NCLN: variants seen among roughly 807,000 people sequenced by gnomAD.
The protein encoded by NCLN is nicalin, also known as BOS complex subunit NCLN.
In NCLN, 34 loss-of-function variants were observed where a neutral mutation model predicts 69.5. The observed-to-expected ratio is 0.49, with a 90% CI of 0.37 to 0.65. The LOEUF (loss-of-function observed/expected upper bound fraction) is 0.65. Ranked by LOEUF, NCLN falls within the 30% of genes least tolerant of loss-of-function variation. NCLN has a pLI of 0.00. For missense variants in NCLN, 710 were observed against 804.8 expected (o/e 0.88, Z 1.42); for synonymous variants, 393 against 358.3 (o/e 1.10, Z -1.09).
rs1367433639 is a variant in NCLN at position 3,207,763 on chromosome 19, C to G, written c.*75C>G. The G allele has an allele frequency of 5.1e-6, 7 of 1,372,020 alleles. No homozygotes were observed. Among genetic ancestry groups the G allele is most frequent in the Non-Finnish European group, 5.2e-6 (5 of 967,684 alleles). The allele number at this position is 1,372,020 out of a possible 1,614,324, so 85.0% of individuals were successfully genotyped here. A position where few individuals can be genotyped will look rare whatever the true frequency, so the allele number is the denominator to read the frequency against. The stretch of plus-strand genomic sequence containing the variant: ...CCGAGCACGAGTGAGTGGACACTGC[C>G]CCGCCGCGGGCGGCCCTGCAGGGAC... On this transcript the variant is annotated 3_prime_UTR_variant, in exon 15 of 15. Transcript: ENST00000246117.
chr19:3,203,328 ATTC>A (rs930976404), intron 6 of NCLN, among the ~76,000 whole-genome samples: 87 of 152,194 alleles, frequency 5.7e-4, no homozygotes, highest in African/African-American at 1.8e-3. Flanking sequence ...AAAAAAAAGA[ATTC>A]TTCTTCTTTA....
chr19:3,204,744 G>T lies in NCLN; in HGVS notation c.1201G>T (p.Asp401Tyr). The T allele has an allele frequency of 6.5e-7, 1 of 1,531,394 alleles. No individual in the cohort carries two copies. The highest frequency in any genetic ancestry group is 8.8e-7 in the Non-Finnish European group (1 of 1,138,300). 94.9% of individuals were successfully genotyped at this position (1,531,394 alleles called of 1,614,324 possible). The part of the protein sequence containing the change: ...HRDGQRSSIM[D>Y]VRSRVDSKTL... ...TGACGGCCAGCGCAGCAGCATCATG[G>T]ACGTGCGGTGAGCGCGGCAGCACCT... The change falls in exon 9 of 15, where the codon GAC becomes TAC. Residue 401 changes from aspartate (D) to tyrosine (Y), a missense_variant. Physicochemically the swap from Asp to Tyr is radical, Grantham distance 160. Coordinates refer to ENST00000246117, the MANE Select transcript of NCLN (RefSeq NM_020170.4).
intron 1 of NCLN, among the ~76,000 whole-genome samples, chr19:3,186,804 C>T (rs746439047): frequency 6.6e-6 from 1 of 152,118 alleles, no homozygotes; most frequent in East Asian, 1.9e-4. Context: ...GTCCAGCATT[C>T]CCCACCCCCT....
chr19:3,201,719 A>C (rs1417192675), intron 6 of NCLN, 93 bp downstream of exon 6: 4 of 1,112,566 alleles, frequency 3.6e-6, no homozygotes, highest in Non-Finnish European at 5.0e-6. Context: ...GTTTCTCTGG[A>C]GCCTCCTGGC....
intron 1 of NCLN, among the ~76,000 whole-genome samples, chr19:3,192,142 T>C (rs1352332527): frequency 2.0e-5 from 3 of 152,194 alleles, no homozygotes; most frequent in African/African-American, 7.2e-5. Flanking sequence ...GAGCCGAGAT[T>C]GTGCTGCTGC....
At chr19:3,203,114 A>T (rs1599357777) in intron 6 of NCLN, among the ~76,000 whole-genome samples, 1 of 151,974 alleles carries the variant, frequency 6.6e-6, no homozygotes, top group South Asian at 2.1e-4. Context: ...GGAGTTCGAG[A>T]CCTGCCTAAC....
intron 4 of NCLN, among the ~76,000 whole-genome samples, chr19:3,198,512 A>C (rs1916032443): frequency 6.6e-6 from 1 of 150,806 alleles, no homozygotes; most frequent in Non-Finnish European, 1.5e-5. Flanking sequence ...GTCTCAAAAA[A>C]AAAAAAAAAA....
chr19:3,205,945 G>T lies in NCLN; in HGVS notation c.1215G>T (p.Arg405=). The change falls in exon 10 of 15, where the codon CGG becomes CGT. Residue 405 remains arginine (R), a synonymous_variant. Coordinates refer to ENST00000246117, the MANE Select transcript of NCLN (RefSeq NM_020170.4). The surrounding 1 kb of genome is among the most constrained non-coding windows in gnomAD (Gnocchi z 4.6). The part of the protein sequence containing the change: ...QRSSIMDVRS[R]VDSKTLTRNT... ...TTGTTTTTGAATCGTGAAGGTCCCG[G>T]GTGGATTCTAAGACCCTGACCCGTA... 2 of 1,613,716 alleles carry T rather than the reference G, an allele frequency of 1.2e-6. No individual in the cohort carries two copies. The highest frequency in any genetic ancestry group is 3.3e-4 in the Middle Eastern group (2 of 5,980).
At chr19:3,189,220 A>C (rs756090249) in intron 1 of NCLN, among the ~76,000 whole-genome samples, 23 of 151,906 alleles carry the variant, frequency 1.5e-4, no homozygotes, top group Non-Finnish European at 1.3e-4. Flanking sequence ...CGTTCACAGC[A>C]GGTGGGGCTC....
intron 1 of NCLN, among the ~76,000 whole-genome samples, chr19:3,192,209 A>G (rs1032383715): frequency 6.6e-6 from 1 of 152,164 alleles, no homozygotes; most frequent in African/African-American, 2.4e-5. Flanking sequence ...CAAAAAACAA[A>G]GATTCTCAGG....
At chr19:3,191,654 C>T (rs1015381290) in intron 1 of NCLN, among the ~76,000 whole-genome samples, 2 of 152,252 alleles carry the variant, frequency 1.3e-5, no homozygotes, top group Admixed American at 6.5e-5. Context: ...TGAATCCAGC[C>T]TGCCCTTGGC....
At chr19:3,200,759 C>T (rs1308174216) in intron 5 of NCLN, among the ~76,000 whole-genome samples, 1 of 152,140 alleles carries the variant, frequency 6.6e-6, no homozygotes, top group Admixed American at 6.5e-5. Flanking sequence ...CATCAGCAGT[C>T]ACTCCTGGTC....
intron 5 of NCLN, among the ~76,000 whole-genome samples, chr19:3,200,312 ATT>A (rs34745192): frequency 7.9e-6 from 1 of 126,890 alleles, no homozygotes; most frequent in Non-Finnish European, 1.6e-5. Context: ...TTATTTATGT[ATT>A]TTTTTTTTTT....
chr19:3,186,636 C>T (rs749475021), intron 1 of NCLN, among the ~76,000 whole-genome samples: 2 of 152,228 alleles, frequency 1.3e-5, no homozygotes, highest in East Asian at 1.9e-4. Context: ...CCCGTCCTGA[C>T]CTCCAGCTCC....
At chr19:3,194,346 G>A (rs904315433) in intron 3 of NCLN, among the ~76,000 whole-genome samples, 2 of 152,126 alleles carry the variant, frequency 1.3e-5, no homozygotes, top group African/African-American at 4.8e-5. Context: ...TCACACCATT[G>A]CACTCCAGCC....
intron 5 of NCLN, among the ~76,000 whole-genome samples, chr19:3,199,178 C>T (rs1342781355): frequency 2.6e-5 from 4 of 152,292 alleles, no homozygotes; most frequent in South Asian, 4.1e-4. Flanking sequence ...CCCGGGCCAG[C>T]GCTGGGTGCC....
At chr19:3,198,994 G>A (rs1055469574) in intron 5 of NCLN, 97 bp downstream of exon 5, 48 of 844,632 alleles carry the variant, frequency 5.7e-5, no homozygotes, top group Non-Finnish European at 6.9e-5. Context: ...ATGGCGGCCA[G>A]GGTCAGCGGC....
chr19:3,205,802 G>A lies in NCLN; in HGVS notation c.1209-137G>A. 2.4e-6 allele frequency: 2 copies of A among 835,698 alleles called. No individual in the cohort carries two copies. Among genetic ancestry groups the A allele is most frequent in the East Asian group, 2.5e-5 (1 of 40,508 alleles). The allele number at this position is 835,698 out of a possible 1,614,324, so 51.8% of individuals were successfully genotyped here. ...TCTACATGTTAGCCAAGTAGTTAAAGCTAAGCTTAATTTTTTTTTTTTTTT... is the reference window on the plus strand; with the variant it reads ...TCTACATGTTAGCCAAGTAGTTAAAACTAAGCTTAATTTTTTTTTTTTTTT... On this transcript the variant is annotated intron_variant, in intron 9 of 14. Coordinates refer to ENST00000246117, the MANE Select transcript of NCLN (RefSeq NM_020170.4). This position sits in a 1 kb window ranked among gnomAD's most constrained non-coding sequence, Gnocchi z 4.6.
At chr19:3,207,541 G>T (rs1417643212) in intron 14 of NCLN, 72 bp downstream of exon 14, 1 of 1,607,470 alleles carries the variant, frequency 6.2e-7, no homozygotes, top group African/African-American at 1.3e-5. Flanking sequence ...GTCTCCAAGT[G>T]CATCCTGGCC....
Sources: gnomAD v4.1 joint callset for allele counts (sites outside exome capture counted in the v4.1 genomes callset) on GRCh38, gnomAD v4.1.1 for gene constraint, Gnocchi (gnomAD v3.1) non-coding constraint, MANE v1.5 for transcripts, NCBI Gene and HGNC (gene_info 2026-07-23, HGNC 2026-07-21) for gene names.